Variants in GFRA1 observed in about 807,000 individuals in gnomAD.
The protein encoded by GFRA1 is GDNF family receptor alpha 1, also known as GDNF family receptor alpha-1.
In GFRA1, 16 loss-of-function variants were observed where a neutral mutation model predicts 51.6. The observed-to-expected ratio is 0.31, with a 90% CI of 0.21 to 0.47. The LOEUF (loss-of-function observed/expected upper bound fraction) is 0.47. Ranked by LOEUF, GFRA1 falls within the 20% of genes least tolerant of loss-of-function variation. GFRA1 has a pLI of 1.00. For synonymous variants in GFRA1, 270 were observed against 241.3 expected, an observed-to-expected ratio of 1.12 and a Z score of -1.10; for missense variants, 530 against 594.3, an observed-to-expected ratio of 0.89 and a Z score of 1.13.
At chr10:116,088,036 G>A (rs750385579) in intron 9 of GFRA1, among the ~76,000 whole-genome samples, 2 of 152,098 alleles carry the variant, frequency 1.3e-5, no homozygotes, top group Non-Finnish European at 2.9e-5. Flanking sequence ...TTCGTTATCA[G>A]CCTCTCCTTA....
intron 6 of GFRA1, among the ~76,000 whole-genome samples, chr10:116,117,334 A>T (rs1445543249): frequency 6.6e-6 from 1 of 152,012 alleles, no homozygotes; most frequent in African/African-American, 2.4e-5. Context: ...TCCAGCTCAG[A>T]TGGCAGCTTC....
intron 4 of GFRA1, among the ~76,000 whole-genome samples, chr10:116,242,638 C>T (rs754954754): frequency 3.9e-5 from 6 of 151,988 alleles, no homozygotes; most frequent in Admixed American, 1.3e-4. Context: ...CCCGCCTCCA[C>T]GCCTAGTTAA....
chr10:116,173,314 G>A (rs1377349556), intron 5 of GFRA1, among the ~76,000 whole-genome samples: 1 of 152,118 alleles, frequency 6.6e-6, no homozygotes, highest in East Asian at 1.9e-4. Flanking sequence ...TATGGGAGAG[G>A]CTGAATGACA....
At chr10:116,196,392 G>A (rs1443503420) in intron 5 of GFRA1, among the ~76,000 whole-genome samples, 1 of 150,076 alleles carries the variant, frequency 6.7e-6, no homozygotes, top group African/African-American at 2.5e-5. Context: ...GGGAGGCTGA[G>A]GCAGGAGAAT....
At chr10:116,238,781 T>C (rs1348341876) in intron 4 of GFRA1, among the ~76,000 whole-genome samples, 1 of 152,364 alleles carries the variant, frequency 6.6e-6, no homozygotes, top group Non-Finnish European at 1.5e-5. Flanking sequence ...AACTTTCAAC[T>C]ATTGACATGC....
intron 5 of GFRA1, among the ~76,000 whole-genome samples, chr10:116,172,575 G>A (rs757523686): frequency 1.1e-4 from 16 of 152,286 alleles, no homozygotes; most frequent in Non-Finnish European, 1.9e-4. Context: ...TGGGTTGGGG[G>A]GCAGAGGGTT....
intron 4 of GFRA1, among the ~76,000 whole-genome samples, chr10:116,259,186 A>C (rs955514265): frequency 6.6e-6 from 1 of 152,254 alleles, no homozygotes; most frequent in Admixed American, 6.5e-5. Flanking sequence ...GATCATGTGC[A>C]AAGGACAACA....
At chr10:116,089,710 C>G in intron 9 of GFRA1, 31 bp downstream of exon 9, 1 of 1,591,536 alleles carries the variant, frequency 6.3e-7, no homozygotes, top group Non-Finnish European at 8.6e-7. Flanking sequence ...AGGAAGGGAG[C>G]CCCAGCAAGG....
chr10:116,247,802 T>A (rs913718362), intron 4 of GFRA1, among the ~76,000 whole-genome samples: 7 of 152,326 alleles, frequency 4.6e-5, no homozygotes, highest in Non-Finnish European at 8.8e-5. Context: ...ATGTATCATC[T>A]GCCCTCCTCT....
chr10:116,223,240 C>T (rs1392238043), intron 4 of GFRA1, among the ~76,000 whole-genome samples: 1 of 152,190 alleles, frequency 6.6e-6, no homozygotes, highest in Non-Finnish European at 1.5e-5. Context: ...AGCAATAGAA[C>T]ATTCATATTC....
At chr10:116,186,943 G>T (rs1473060664) in intron 5 of GFRA1, among the ~76,000 whole-genome samples, 1 of 152,110 alleles carries the variant, frequency 6.6e-6, no homozygotes, top group Non-Finnish European at 1.5e-5. Context: ...GTGAAAACTG[G>T]AAGGCGACCT....
At chr10:116,201,532 G>A (rs1373437537) in intron 5 of GFRA1, among the ~76,000 whole-genome samples, 5 of 151,968 alleles carry the variant, frequency 3.3e-5, no homozygotes, top group African/African-American at 4.8e-5. Context: ...CCCCGGAGTT[G>A]CCCTTATCCT....
At chr10:116,165,372 C>T (rs907504244) in intron 5 of GFRA1, among the ~76,000 whole-genome samples, 1 of 146,144 alleles carries the variant, frequency 6.8e-6, no homozygotes, top group Non-Finnish European at 1.5e-5. Flanking sequence ...AAAACTGAGG[C>T]TGTCCCAAGG....
At chr10:116,223,111 A>G (rs938637775) in intron 4 of GFRA1, among the ~76,000 whole-genome samples, 1 of 152,164 alleles carries the variant, frequency 6.6e-6, no homozygotes, top group African/African-American at 2.4e-5. Flanking sequence ...CCTGGATTCT[A>G]AAACTCAAAA....
At chr10:116,165,884 T>C (rs547999427) in intron 5 of GFRA1, among the ~76,000 whole-genome samples, 1 of 152,208 alleles carries the variant, frequency 6.6e-6, no homozygotes, top group Non-Finnish European at 1.5e-5. Flanking sequence ...GTACAGATTA[T>C]TTCATCACCC....
intron 5 of GFRA1, among the ~76,000 whole-genome samples, chr10:116,210,539 T>C (rs756583968): frequency 9.2e-5 from 14 of 152,188 alleles, no homozygotes; most frequent in Non-Finnish European, 1.8e-4. Flanking sequence ...TTATTACTTA[T>C]AGCTTGTTGG....
At chr10:116,066,443 C>G (rs1242150662) in intron 9 of GFRA1, among the ~76,000 whole-genome samples, 1 of 152,188 alleles carries the variant, frequency 6.6e-6, no homozygotes, top group African/African-American at 2.4e-5. Flanking sequence ...AAGCATTGAA[C>G]TCCCTGTTTC....
chr10:116,183,836 A>T (rs532077931), intron 5 of GFRA1, among the ~76,000 whole-genome samples: 2 of 152,320 alleles, frequency 1.3e-5, no homozygotes, highest in South Asian at 4.2e-4. Flanking sequence ...GAAGGCTGAG[A>T]GAGTGTTTGG....
intron 10 of GFRA1, among the ~76,000 whole-genome samples, chr10:116,065,269 C>T (rs1040475750): frequency 2.0e-5 from 3 of 152,166 alleles, no homozygotes; most frequent in African/African-American, 7.2e-5. Context: ...GTGAGATTTG[C>T]TATGTATCGT....
Sources: gnomAD v4.1 joint callset for allele counts (sites outside exome capture counted in the v4.1 genomes callset) on GRCh38, gnomAD v4.1.1 for gene constraint, MANE v1.5 for transcripts, NCBI Gene and HGNC (gene_info 2026-07-23, HGNC 2026-07-21) for gene names.